Variants in NCOR2 observed in about 807,000 individuals in gnomAD.
NCOR2 encodes the protein nuclear receptor corepressor 2, also known as CTG repeat protein 26.
NCOR2 carries 81 observed loss-of-function variants against 262.9 expected under a neutral mutation model. That is an observed-to-expected ratio of 0.31 (90% CI 0.26 to 0.37). The LOEUF (loss-of-function observed/expected upper bound fraction) is 0.37, where lower values mean the gene tolerates loss of function less well. Among genes scored for constraint, NCOR2 ranks in the 10% least tolerant of loss-of-function variants. NCOR2 has a pLI of 1.00. For synonymous variants in NCOR2, 1,659 were observed against 1,559.3 expected (o/e 1.06, Z -1.51); for missense variants, 3,385 against 3,621.4 (o/e 0.93, Z 1.68).
chr12:124,326,430 C>A, intron 45 of NCOR2, 60 bp from the exon 48 acceptor site: 1 of 1,393,352 alleles, frequency 7.2e-7, no homozygotes, highest in South Asian at 1.6e-5. Context: ...ACCGACGCTA[C>A]GGTGGGGCCA....
chr12:124,417,332 G>C (rs1191207898), intron 13 of NCOR2, among the ~76,000 whole-genome samples: 1 of 151,926 alleles, frequency 6.6e-6, no homozygotes, highest in Non-Finnish European at 1.5e-5. Context: ...CTCTACCACA[G>C]TACAGGCCAG....
intron 27 of NCOR2, among the ~76,000 whole-genome samples, chr12:124,352,086 G>A (rs1488661546): frequency 6.6e-6 from 1 of 152,196 alleles, no homozygotes; most frequent in African/African-American, 2.4e-5. Flanking sequence ...GCATCTCCCT[G>A]CTGTGCTTTA....
At chr12:124,450,602 A>G (rs530492198) in intron 6 of NCOR2, among the ~76,000 whole-genome samples, 2 of 152,228 alleles carry the variant, frequency 1.3e-5, no homozygotes, top group South Asian at 4.1e-4. Flanking sequence ...TACACCACAA[A>G]TCCCACACAG....
chr12:124,470,130 C>T (rs984425992), intron 4 of NCOR2, among the ~76,000 whole-genome samples: 9 of 149,290 alleles, frequency 6.0e-5, no homozygotes, highest in African/African-American at 2.0e-4. Context: ...GGCACCACTG[C>T]ACTCCAGCCT....
intron 1 of NCOR2, among the ~76,000 whole-genome samples, chr12:124,500,903 T>G (rs1387805411): frequency 6.6e-6 from 1 of 151,856 alleles, no homozygotes; most frequent in Non-Finnish European, 1.5e-5. Flanking sequence ...GTGGGGAGGA[T>G]GAAAGGCACG....
At chr12:124,350,358 T>C (rs2037345449) in intron 28 of NCOR2, among the ~76,000 whole-genome samples, 1 of 152,186 alleles carries the variant, frequency 6.6e-6, no homozygotes, top group South Asian at 2.1e-4. Flanking sequence ...TCTAAAAAGG[T>C]TGGCCATGAG....
chr12:124,422,377 A>G, intron 12 of NCOR2, 124 bp downstream of exon 14: 3 of 1,104,736 alleles, frequency 2.7e-6, no homozygotes. Flanking sequence ...GGAGCATGGC[A>G]GCTGGAGCAA....
At position 124,483,843 on chromosome 12, in the gene NCOR2, C is replaced by T. The variant is rs1011681970; in HGVS notation, c.234-70G>A. On this transcript the variant is annotated intron_variant, in intron 2 of 46. Transcript: ENST00000405201. The surrounding 1 kb of genome is among the most constrained non-coding windows in gnomAD (Gnocchi z 6.3). ...CTGAGAACTCCCGAGGCCCCGACCA[C>T]CCTCTGCGCCGAGCATCTACTGCGC... 6.9e-7 allele frequency: 1 copy of T among 1,442,260 alleles called. No individual in the cohort carries two copies. Among genetic ancestry groups the T allele is most frequent in the African/African-American group, 1.4e-5 (1 of 69,958 alleles). 89.3% of individuals were successfully genotyped at this position (1,442,260 alleles called of 1,614,324 possible).
At chr12:124,373,032 T>C (rs2039626109) in intron 19 of NCOR2, among the ~76,000 whole-genome samples, 1 of 152,234 alleles carries the variant, frequency 6.6e-6, no homozygotes. Flanking sequence ...TCAGGTTACC[T>C]CTTGGGCCTC....
exon 41 of NCOR2, chr12:124,334,548 A>G: frequency 7.1e-7 from 1 of 1,413,392 alleles, no homozygotes; most frequent in South Asian, 1.6e-5. Context: ...GGGAAGGAGT[A>G]GAGGGGGGCG....
At chr12:124,521,247 C>A (rs527996186) in intron 1 of NCOR2, among the ~76,000 whole-genome samples, 2 of 152,292 alleles carry the variant, frequency 1.3e-5, no homozygotes, top group South Asian at 4.1e-4. Flanking sequence ...GGCACAGATA[C>A]GAGTGGAGCA....
chr12:124,360,756 G>A (rs770634366), intron 22 of NCOR2, among the ~76,000 whole-genome samples: 6 of 146,380 alleles, frequency 4.1e-5, no homozygotes, highest in Non-Finnish European at 4.5e-5. Context: ...CCCTCTGCCC[G>A]CAATGCCCAC....
At chr12:124,480,583 C>G (rs982813920) in intron 3 of NCOR2, among the ~76,000 whole-genome samples, 1 of 152,134 alleles carries the variant, frequency 6.6e-6, no homozygotes. Flanking sequence ...TCCTCACCAC[C>G]GCCACCGTCT....
chr12:124,430,014 T>G (rs191740677), intron 9 of NCOR2, among the ~76,000 whole-genome samples: 2 of 152,106 alleles, frequency 1.3e-5, no homozygotes, highest in East Asian at 3.9e-4. Context: ...GCCGAAGTGT[T>G]TCTCTCTGTG....
In NCOR2 at chr12:124,389,132, C is replaced by A. The variant is rs1194299977; in HGVS notation, c.1877-3245G>T. 6.6e-6 allele frequency among the ~76,000 whole-genome samples: 1 copy of A among 152,232 alleles called. No individual in the cohort carries two copies. The highest frequency in any genetic ancestry group is 2.4e-5 in the African/African-American group (1 of 41,460). On this transcript the variant is annotated intron_variant, in intron 16 of 46. Coordinates refer to ENST00000405201, the Ensembl canonical transcript of NCOR2. The surrounding 1 kb of genome is among the most constrained non-coding windows in gnomAD (Gnocchi z 4.4). ...GCCCCTGGGCCAGGTATCACCGGGGCGCAGCGTGCCGAGCTCCTCCAGCAC... is the reference window on the plus strand; with the variant it reads ...GCCCCTGGGCCAGGTATCACCGGGGAGCAGCGTGCCGAGCTCCTCCAGCAC...
At chr12:124,347,839 C>T (rs1355644463) in exon 30 of NCOR2, 1 of 1,565,660 alleles carries the variant, frequency 6.4e-7, no homozygotes, top group Non-Finnish European at 8.7e-7. Flanking sequence ...TGTGATGGAC[C>T]CGCGGATGTG....
At chr12:124,402,311 C>A in intron 14 of NCOR2, 93 bp downstream of exon 16, 3 of 1,565,280 alleles carry the variant, frequency 1.9e-6, no homozygotes, top group South Asian at 1.2e-5. Flanking sequence ...TTGGTGGGCA[C>A]CCCACCCGTC....
At position 124,566,534 on chromosome 12, in the gene NCOR2, G is replaced by A. The variant is rs1412745450; in HGVS notation, c.-165+774C>T. Among the ~76,000 whole-genome samples, 2 of 152,242 alleles carry A rather than the reference G, an allele frequency of 1.3e-5. No homozygotes were observed. The highest frequency in any genetic ancestry group is 2.4e-5 in the African/African-American group (1 of 41,462). On this transcript the variant is annotated intron_variant, in intron 1 of 32. Coordinates refer to the NCOR2 transcript ENST00000458234. This position sits in a 1 kb window ranked among gnomAD's most constrained non-coding sequence, Gnocchi z 4.3. ...GCCCTCACTCCCCGCAGGCCTCTGA[G>A]GAAGCTGCCCTCTAGACAAGGGTCT...
intron 4 of NCOR2, among the ~76,000 whole-genome samples, chr12:124,467,642 C>T (rs1398637674): frequency 1.7e-5 from 2 of 117,474 alleles, no homozygotes; most frequent in African/African-American, 6.6e-5. Context: ...ATCTTCACCC[C>T]ATCATCCTTA....
Sources: allele counts gnomAD v4.1 joint callset (sites outside exome capture counted in the v4.1 genomes callset), GRCh38; gene constraint gnomAD v4.1.1; non-coding constraint Gnocchi (gnomAD v3.1); transcripts MANE v1.5; gene names NCBI Gene and HGNC (gene_info 2026-07-23, HGNC 2026-07-21).